The following PBX1 variants were observed in gnomAD, a reference collection of about 807,000 sequenced individuals.
The protein encoded by PBX1 is pre-B-cell leukemia transcription factor 1.
A neutral mutation model predicts 53.4 loss-of-function variants in PBX1; 6 were observed. The observed-to-expected ratio is 0.11, with a 90% CI of 0.06 to 0.22. The LOEUF (loss-of-function observed/expected upper bound fraction) is 0.22, where lower values mean the gene tolerates loss of function less well. PBX1 is among the 10% of genes least tolerant of loss of function. The probability of loss-of-function intolerance (pLI) is 1.00; values close to 1 mark genes in which losing one functional copy is unlikely to be tolerated. For synonymous variants in PBX1, 204 were observed against 212.3 expected, an observed-to-expected ratio of 0.96 and a Z score of 0.34; for missense variants, 251 against 551.4, an observed-to-expected ratio of 0.46 and a Z score of 5.46.
chr1:164,790,579 G>T (rs1668448795), intron 2 of PBX1, among the ~76,000 whole-genome samples: 1 of 151,784 alleles, frequency 6.6e-6, no homozygotes, highest in Non-Finnish European at 1.5e-5. Context: ...ACTTCACCAC[G>T]GAGCCCAAGC....
At chr1:164,621,029 G>T (rs775525647) in intron 2 of PBX1, among the ~76,000 whole-genome samples, 4 of 149,282 alleles carry the variant, frequency 2.7e-5, no homozygotes, top group Non-Finnish European at 5.9e-5. Context: ...TTGCTCTGTT[G>T]CCAAGCTGGA....
intron 2 of PBX1, among the ~76,000 whole-genome samples, chr1:164,765,587 T>C (rs1252638559): frequency 1.3e-5 from 2 of 152,206 alleles, no homozygotes; most frequent in African/African-American, 4.8e-5. Context: ...AGCTTTAGTC[T>C]AATTGCTTTA....
At chr1:164,859,984 T>C (rs1285058903) in intron 2 of PBX1, among the ~76,000 whole-genome samples, 1 of 152,196 alleles carries the variant, frequency 6.6e-6, no homozygotes, top group Non-Finnish European at 1.5e-5. Flanking sequence ...ATTAAAATTT[T>C]AAAAGTTCTT....
At chr1:164,771,578 C>T (rs928138379) in intron 2 of PBX1, 21 of 150,096 alleles carry the variant, frequency 1.4e-4, no homozygotes, top group African/African-American at 5.0e-4. Flanking sequence ...CCCAGAGACC[C>T]TTAAAAAAAA....
chr1:164,800,119 G>A (rs1668996740), intron 4 of PBX1, among the ~76,000 whole-genome samples: 1 of 152,218 alleles, frequency 6.6e-6, no homozygotes, highest in South Asian at 2.1e-4. Context: ...ACTCTGGGTA[G>A]CAGCAAGGAG....
At chr1:164,643,982 C>G (rs538552959) in intron 2 of PBX1, among the ~76,000 whole-genome samples, 2 of 152,302 alleles carry the variant, frequency 1.3e-5, no homozygotes, top group Admixed American at 6.5e-5. Context: ...TTCAGTTTAA[C>G]TTTAACTTTG....
At position 164,846,926 on chromosome 1, in the gene PBX1, C is replaced by T. The variant is rs1332207308; in HGVS notation, c.*250C>T. On this transcript the variant is annotated 3_prime_UTR_variant, in exon 9 of 9. Coordinates refer to ENST00000420696, the MANE Select transcript of PBX1 (RefSeq NM_002585.4). The stretch of plus-strand genomic sequence containing the variant: ...TGCCTCCAGCTGTCAGCCTGGTTTT[C>T]GTCATCTTCCCTGCCCCTGTGCCTC... 2.6e-5 allele frequency: 35 copies of T among 1,361,364 alleles called. No individual in the cohort carries two copies. Among genetic ancestry groups the T allele is most frequent in the South Asian group, 3.8e-5 (2 of 52,748 alleles). The allele number at this position is 1,361,364 out of a possible 1,614,324, so 84.3% of individuals were successfully genotyped here.
At chr1:164,867,009 T>C (rs1672234513) in intron 2 of PBX1, among the ~76,000 whole-genome samples, 1 of 152,146 alleles carries the variant, frequency 6.6e-6, no homozygotes, top group South Asian at 2.1e-4. Flanking sequence ...CTATAGAGAC[T>C]GGATTAAAGA....
At position 164,851,655 on chromosome 1, in the gene PBX1, G is replaced by A. The variant is rs1671846164; in HGVS notation, c.*4979G>A. On this transcript the variant is annotated 3_prime_UTR_variant, in exon 9 of 9. Transcript: ENST00000420696. Reference sequence around the variant, plus strand: ...ACCTGCAAAGCTCTGCTCTGTTTTGGTTTTGAAAGTTTAAGCTTTTCTGCT... The same window carrying A: ...ACCTGCAAAGCTCTGCTCTGTTTTGATTTTGAAAGTTTAAGCTTTTCTGCT... 1 of 184,024 alleles carries A rather than the reference G, an allele frequency of 5.4e-6. No homozygotes were observed. The highest frequency in any genetic ancestry group is 8.7e-5 in the East Asian group (1 of 11,490). The allele number at this position is 184,024 out of a possible 1,614,324, so 11.4% of individuals were successfully genotyped here.
At chr1:164,747,406 G>T (rs898886481) in intron 2 of PBX1, among the ~76,000 whole-genome samples, 1 of 151,832 alleles carries the variant, frequency 6.6e-6, no homozygotes, top group African/African-American at 2.4e-5. Flanking sequence ...GTAGACTGAA[G>T]CTATTCACAG....
At chr1:164,572,992 C>T (rs943596385) in intron 2 of PBX1, among the ~76,000 whole-genome samples, 1 of 152,110 alleles carries the variant, frequency 6.6e-6, no homozygotes, top group Admixed American at 6.6e-5. Flanking sequence ...AAGGCATCTC[C>T]ACACTTTCAC....
intron 2 of PBX1, among the ~76,000 whole-genome samples, chr1:164,707,766 T>C (rs1013870935): frequency 6.6e-6 from 1 of 152,148 alleles, no homozygotes; most frequent in Non-Finnish European, 1.5e-5. Flanking sequence ...GGAAGCCTTG[T>C]CTGAGTGAAA....
Position 164,796,410 on chromosome 1 carries a change from G to A in PBX1, c.511-3289G>A, listed in dbSNP as rs190453090. 1.7e-3 allele frequency among the ~76,000 whole-genome samples: 252 copies of A among 152,268 alleles called. 2 individuals are homozygous for A. The highest frequency in any genetic ancestry group is 5.9e-3 in the African/African-American group (246 of 41,560). On this transcript the variant is annotated intron_variant, in intron 3 of 8. Coordinates refer to ENST00000420696, the MANE Select transcript of PBX1 (RefSeq NM_002585.4). ...TACTTTAAAAAAAAATTATCTTGTG[G>A]CTTTGTAGGATTTTTTAGCTTTTGT...
At chr1:164,615,794 G>C (rs1484319926) in intron 2 of PBX1, among the ~76,000 whole-genome samples, 1 of 152,162 alleles carries the variant, frequency 6.6e-6, no homozygotes, top group African/African-American at 2.4e-5. Context: ...CAAATGAACT[G>C]TCACAAGAGG....
intron 2 of PBX1, among the ~76,000 whole-genome samples, chr1:164,658,675 G>C (rs10918054): frequency 0.032 from 4,809 of 152,218 alleles, 113 homozygotes; most frequent in East Asian, 0.089. Context: ...TTATGACCTT[G>C]GATGGGCTAT....
chr1:164,663,165 C>CCTTCCTTCCTGT (rs1660590139), intron 2 of PBX1, among the ~76,000 whole-genome samples: 1 of 141,812 alleles, frequency 7.1e-6, no homozygotes, highest in African/African-American at 2.5e-5. Context: ...TGCCTGCCTG[C>CCTTCCTTCCTGT]CTTCCTTCCT....
downstream of PBX1, chr1:164,854,363 C>T (rs1441247331): frequency 6.6e-5 from 10 of 152,010 alleles, no homozygotes; most frequent in East Asian, 1.7e-3. Context: ...TTAAAACATG[C>T]AACAAAATGT....
intron 8 of PBX1, among the ~76,000 whole-genome samples, chr1:164,841,317 T>C (rs1464866795): frequency 6.6e-6 from 1 of 152,214 alleles, no homozygotes; most frequent in East Asian, 1.9e-4. Context: ...ACGGCTGCTC[T>C]GTCCTGGGAA....
Position 164,848,339 on chromosome 1 carries a change from G to A in PBX1, c.*1663G>A, listed in dbSNP as rs781230082. 8.5e-6 allele frequency: 9 copies of A among 1,057,500 alleles called. No individual in the cohort carries two copies. Among genetic ancestry groups the A allele is most frequent in the Non-Finnish European group, 1.0e-5 (9 of 874,490 alleles). 65.5% of individuals were successfully genotyped at this position (1,057,500 alleles called of 1,614,324 possible). A position where few individuals can be genotyped will look rare whatever the true frequency, so the allele number is the denominator to read the frequency against. On this transcript the variant is annotated 3_prime_UTR_variant, in exon 9 of 9. Coordinates refer to ENST00000420696, the MANE Select transcript of PBX1 (RefSeq NM_002585.4). ...AAGTGGGAGGTGGTCAAATATTTTG[G>A]TGCCTCATTTTCTTCATCTGTGAGA...
Sources: allele counts gnomAD v4.1 joint callset (sites outside exome capture counted in the v4.1 genomes callset), GRCh38; gene constraint gnomAD v4.1.1; transcripts MANE v1.5; gene names NCBI Gene and HGNC (gene_info 2026-07-23, HGNC 2026-07-21).